The following MYLIP variants were observed in gnomAD, a reference collection of about 807,000 sequenced individuals.
The protein encoded by MYLIP is myosin regulatory light chain interacting protein.
MYLIP carries 26 observed loss-of-function variants against 45.8 expected under a neutral mutation model. The ratio of observed to expected loss-of-function variants is 0.57; its 90% CI spans 0.42 to 0.79. The LOEUF is 0.79. Among genes scored for constraint, MYLIP ranks in the 30% least tolerant of loss-of-function variants. The probability of loss-of-function intolerance (pLI) is 0.00; values close to 1 mark genes in which losing one functional copy is unlikely to be tolerated. For synonymous variants in MYLIP, 213 were observed against 218.1 expected (o/e 0.98, Z 0.21); for missense variants, 494 against 555.6 (o/e 0.89, Z 1.11).
chr6:16,144,282 G>T (rs1464673128), intron 5 of MYLIP, among the ~76,000 whole-genome samples: 1 of 152,150 alleles, frequency 6.6e-6, no homozygotes, highest in African/African-American at 2.4e-5. Flanking sequence ...TACCCTAAAG[G>T]TAACCCTGAG....
downstream of MYLIP, among the ~76,000 whole-genome samples, chr6:16,151,116 G>A (rs1477575729): frequency 2.0e-5 from 3 of 152,024 alleles, no homozygotes; most frequent in Non-Finnish European, 2.9e-5. Flanking sequence ...TTGGGAGGCC[G>A]AGGCGGGTGG....
chr6:16,144,804 A>G lies in MYLIP; in HGVS notation c.828-93A>G, dbSNP rs1759750118. ...ATACATGCAGACGAGACTATGAAAC[A>G]TCTGCTGACATTTCTGTTCTTATTG... On this transcript the variant is annotated intron_variant, in intron 5 of 6. Transcript: ENST00000356840. The G allele has an allele frequency of 9.3e-6, 13 of 1,400,154 alleles. 1 individual carries two copies. The highest frequency in any genetic ancestry group is 1.3e-5 in the Non-Finnish European group (13 of 1,024,668). 86.7% of individuals were successfully genotyped at this position (1,400,154 alleles called of 1,614,324 possible).
chr6:16,143,936 G>C (rs572389874), intron 5 of MYLIP, 73 bp downstream of exon 5: 2 of 1,505,296 alleles, frequency 1.3e-6, no homozygotes, highest in Non-Finnish European at 1.8e-6. Flanking sequence ...AGGTTTCTAC[G>C]GTTCCTTGGA....
the MYLIP span, chr6:16,163,790 G>C: frequency 1.1e-4 from 17 of 152,226 alleles, no homozygotes; most frequent in East Asian, 2.3e-3. Context: ...AAGAAGCATT[G>C]TTAACAAAAC....
chr6:16,144,707 G>A (rs188712375), intron 5 of MYLIP, among the ~76,000 whole-genome samples, 190 bp from the exon 6 acceptor site: 1 of 152,282 alleles, frequency 6.6e-6, no homozygotes, highest in East Asian at 1.9e-4. Flanking sequence ...ATAATGTCAG[G>A]AGATGTTAGA....
chr6:16,135,650 T>A (rs1262852526), intron 2 of MYLIP, among the ~76,000 whole-genome samples: 1 of 151,714 alleles, frequency 6.6e-6, no homozygotes, highest in Non-Finnish European at 1.5e-5. Flanking sequence ...CTAGTATTAC[T>A]TCCTTAACTT....
chr6:16,145,324 G>A lies in MYLIP; in HGVS notation c.1248+7G>A. The A allele has an allele frequency of 6.4e-7, 1 of 1,568,286 alleles. No individual in the cohort carries two copies. The highest frequency in any genetic ancestry group is 8.7e-7 in the Non-Finnish European group (1 of 1,153,430). On this transcript the variant is annotated splice_region_variant and intron_variant, in intron 6 of 6. Coordinates refer to ENST00000356840, the MANE Select transcript of MYLIP (RefSeq NM_013262.4). ...CTGCGCCGCCCAGCTACAGGTAGGG[G>A]AGTCAGCTGCCCACTTTTGCCTGCA...
chr6:16,146,609 G>GC lies in MYLIP; in HGVS notation c.1249-47dup, dbSNP rs1044210793. ...ACCAGGGGTGTGCACAGAGACACAG[G>GC]CCCCCCACCGAGGCTTGCATGCTAA... is the stretch of plus-strand genomic sequence containing the variant. On this transcript the variant is annotated intron_variant, in intron 6 of 6. Coordinates refer to ENST00000356840, the MANE Select transcript of MYLIP (RefSeq NM_013262.4). The GC allele has an allele frequency of 1.7e-5, 25 of 1,432,906 alleles. No individual in the cohort carries two copies. In the African/African-American group the frequency reaches 2.1e-4, roughly 12 times the overall value. The allele number at this position is 1,432,906 out of a possible 1,614,324, so 88.8% of individuals were successfully genotyped here. A position where few individuals can be genotyped will look rare whatever the true frequency, so the allele number is the denominator to read the frequency against.
the MYLIP span, among the ~76,000 whole-genome samples, chr6:16,155,047 A>G: frequency 6.6e-6 from 1 of 152,128 alleles, no homozygotes; most frequent in African/African-American, 2.4e-5. Context: ...TTTCCATGTT[A>G]TTACTCATCT....
At chr6:16,146,426 G>A (rs1436581136) in intron 6 of MYLIP, among the ~76,000 whole-genome samples, 5 of 152,206 alleles carry the variant, frequency 3.3e-5, no homozygotes, top group Admixed American at 6.5e-5. Flanking sequence ...CACTAAAAAT[G>A]TAATTAATTT....
chr6:16,143,063 T>C lies in MYLIP; in HGVS notation c.508T>C (p.Ser170Pro), dbSNP rs1759706084. The change falls in exon 4 of 7, where the codon TCA becomes CCA. Residue 170 changes from serine to proline, a missense_variant. Coordinates refer to ENST00000356840, the MANE Select transcript of MYLIP (RefSeq NM_013262.4). ...HKELEGTSQA[S>P]AEYQVLQIVS... ...GGAGTTGGAGGGGACCAGCCAGGCT[T>C]CAGCTGAATACCAAGTTTTGCAGAT... 2 of 1,614,228 alleles carry C rather than the reference T, an allele frequency of 1.2e-6. No individual in the cohort carries two copies. The highest frequency in any genetic ancestry group is 1.7e-6 in the Non-Finnish European group (2 of 1,180,036).
At chr6:16,143,886 C>A in intron 5 of MYLIP, 23 bp downstream of exon 5, 1 of 1,602,210 alleles carries the variant, frequency 6.2e-7, no homozygotes, top group South Asian at 1.1e-5. Context: ...TGTGCTTGGT[C>A]ACCTCAGCAC....
chr6:16,132,951 A>G (rs1357585761), intron 2 of MYLIP, among the ~76,000 whole-genome samples: 1 of 152,228 alleles, frequency 6.6e-6, no homozygotes, highest in Non-Finnish European at 1.5e-5. Context: ...AGTGTAGTAT[A>G]CTGAAAGTAT....
chr6:16,160,514 G>T, the MYLIP span, among the ~76,000 whole-genome samples: 1 of 152,156 alleles, frequency 6.6e-6, no homozygotes. Flanking sequence ...AAGGTGTGAA[G>T]GTCTGGGCCG....
At chr6:16,142,872 G>T (rs530897526) in intron 3 of MYLIP, 148 bp from the exon 4 acceptor site, 1 of 810,572 alleles carries the variant, frequency 1.2e-6, no homozygotes. Flanking sequence ...TAGTAAGTTC[G>T]CTAAATACAT....
chr6:16,158,738 C>T, the MYLIP span, among the ~76,000 whole-genome samples: 2 of 152,098 alleles, frequency 1.3e-5, no homozygotes, highest in African/African-American at 2.4e-5. Context: ...CGCGTGGTGG[C>T]GGGCACCTGT....
intron 2 of MYLIP, among the ~76,000 whole-genome samples, chr6:16,138,141 A>G (rs1759592912): frequency 6.6e-6 from 1 of 152,236 alleles, no homozygotes; most frequent in African/African-American, 2.4e-5. Flanking sequence ...TCCTTAAGAC[A>G]GAGAAAACAG....
In MYLIP at chr6:16,145,425, A is replaced by C. The variant is rs538057748; in HGVS notation, c.1248+108A>C. On this transcript the variant is annotated intron_variant, in intron 6 of 6. Coordinates refer to ENST00000356840, the MANE Select transcript of MYLIP (RefSeq NM_013262.4). The stretch of plus-strand genomic sequence containing the variant: ...GCTAATGCACAGACGGGGAATGCCC[A>C]TCTTCACCCGGAAAGGGTCTTTGTA... 1.8e-5 allele frequency: 23 copies of C among 1,261,684 alleles called. No individual in the cohort carries two copies. In the African/African-American group the frequency reaches 3.1e-4, roughly 17 times the overall value. The allele number at this position is 1,261,684 out of a possible 1,614,324, so 78.2% of individuals were successfully genotyped here.
chr6:16,130,724 T>G lies in MYLIP; in HGVS notation c.255T>G (p.His85Gln). 2 of 1,614,056 alleles carry G rather than the reference T, an allele frequency of 1.2e-6. No individual in the cohort carries two copies. The highest frequency in any genetic ancestry group is 1.7e-6 in the Non-Finnish European group (2 of 1,179,996). ...KLRVKFFVEP[H>Q]LILQEQTRHI... ...GAGTCAAGTTCTTCGTGGAGCCTCA[T>G]CTCATCTTACAGGAGCAGACTAGGT... The change falls in exon 2 of 7, where the codon CAT becomes CAG. Residue 85 changes from histidine to glutamine, a missense_variant. His to Gln is a conservative substitution (Grantham distance 24). Transcript: ENST00000356840.
Sources: gnomAD v4.1 joint callset for allele counts (sites outside exome capture counted in the v4.1 genomes callset) on GRCh38, gnomAD v4.1.1 for gene constraint, MANE v1.5 for transcripts, NCBI Gene and HGNC (gene_info 2026-07-23, HGNC 2026-07-21) for gene names.